Variants in RBM23 observed in about 807,000 individuals in gnomAD.
The protein encoded by RBM23 is RNA binding motif protein 23, also known as probable RNA-binding protein 23.
RBM23 carries 53 observed loss-of-function variants against 56.2 expected under a neutral mutation model. That is an observed-to-expected ratio of 0.94 (90% confidence interval 0.76 to 1.19). The LOEUF is 1.19. RBM23 is among the 50% of genes most tolerant of loss of function. The probability of loss-of-function intolerance (pLI) is 0.00; values close to 1 mark genes in which losing one functional copy is unlikely to be tolerated. For synonymous variants in RBM23, 197 were observed against 198.5 expected, an observed-to-expected ratio of 0.99 and a Z score of 0.06; for missense variants, 642 against 590.3, an observed-to-expected ratio of 1.09 and a Z score of -0.91.
chr14:22,911,015 A>G (rs79021319), intron 2 of RBM23, among the ~76,000 whole-genome samples: 2 of 150,062 alleles, frequency 1.3e-5, no homozygotes, highest in Non-Finnish European at 3.0e-5. Flanking sequence ...GTCTCAAAAG[A>G]AAAAAAAAAG....
chr14:22,907,847 GC>G (rs2041831491), intron 4 of RBM23, among the ~76,000 whole-genome samples: 1 of 152,198 alleles, frequency 6.6e-6, no homozygotes, highest in African/African-American at 2.4e-5. Flanking sequence ...CCCTCTGCAG[GC>G]CTAGGCTCAT....
chr14:22,898,907 CTG>C lies in RBM23; in HGVS notation c.*2821_*2822del, dbSNP rs1207469639. The C allele has an allele frequency of 6.6e-6, 1 of 152,166 alleles. No homozygotes were observed. Among genetic ancestry groups the C allele is most frequent in the African/African-American group, 2.4e-5 (1 of 41,428 alleles). 9.4% of individuals were successfully genotyped at this position (152,166 alleles called of 1,614,324 possible). A position where few individuals can be genotyped will look rare whatever the true frequency, so the allele number is the denominator to read the frequency against. ...GATACATTAGAAGCCAAATCAATAA[CTG>C]TAGGGGTGCTGGGTCATAGCCAGCA... On this transcript the variant is annotated 3_prime_UTR_variant, in exon 14 of 14. Coordinates refer to ENST00000359890, the MANE Select transcript of RBM23 (RefSeq NM_001077351.2).
chr14:22,908,331 A>C lies in RBM23; in HGVS notation c.227+2T>G, dbSNP rs756099715. The C allele has an allele frequency of 3.9e-6, 6 of 1,549,592 alleles. No homozygotes were observed. The highest frequency in any genetic ancestry group is 4.4e-6 in the Non-Finnish European group (5 of 1,146,830). ...CACTGTGCCTGGCCCAGAATTACTGACCTGCGCTTTCTATCCCTGCTTTTA... is the reference window on the plus strand; with the variant it reads ...CACTGTGCCTGGCCCAGAATTACTGCCCTGCGCTTTCTATCCCTGCTTTTA... On this transcript the variant is annotated splice_donor_variant, in intron 4 of 13. Transcript: ENST00000359890. LOFTEE classifies it high-confidence loss of function.
At position 22,900,883 on chromosome 14, in the gene RBM23, A is replaced by C. The variant is rs1454169552; in HGVS notation, c.*847T>G. 6.6e-6 allele frequency: 1 copy of C among 152,144 alleles called. No homozygotes were observed. Among genetic ancestry groups the C allele is most frequent in the Non-Finnish European group, 1.5e-5 (1 of 68,032 alleles). 9.4% of individuals were successfully genotyped at this position (152,144 alleles called of 1,614,324 possible). On this transcript the variant is annotated 3_prime_UTR_variant, in exon 14 of 14. Coordinates refer to ENST00000359890, the MANE Select transcript of RBM23 (RefSeq NM_001077351.2). ...GCCCAGGTAAGGGATGGGAGTAGCT[A>C]TAATTGCCAGGGTTGAGGCCACAGT...
chr14:22,909,242 C>A (rs935495700), intron 3 of RBM23, among the ~76,000 whole-genome samples: 2 of 152,146 alleles, frequency 1.3e-5, no homozygotes, highest in Non-Finnish European at 2.9e-5. Context: ...CACGCCCAGC[C>A]CCTCTTGGTA....
intron 1 of RBM23, 95 bp from the exon 2 acceptor site, chr14:22,911,498 C>G: frequency 1.0e-6 from 1 of 960,614 alleles, no homozygotes; most frequent in Non-Finnish European, 1.6e-6. Context: ...AAAGAGACTT[C>G]AGGATATACA....
chr14:22,914,618 T>C (rs1378737291), intron 1 of RBM23, among the ~76,000 whole-genome samples: 1 of 151,798 alleles, frequency 6.6e-6, no homozygotes, highest in Non-Finnish European at 1.5e-5. Flanking sequence ...ACCTCAATCA[T>C]GCCGTTAAAA....
chr14:22,919,067 C>T lies in RBM23; in HGVS notation c.-79G>A, dbSNP rs1003416626. On this transcript the variant is annotated 5_prime_UTR_variant, in exon 1 of 14. Transcript: ENST00000359890. ...TTTGAGTATGTTGTGGGGAGTGGAG[C>T]TCGGATAGTTCCTAGAGTCTAGGCA... 1 of 152,064 alleles carries T rather than the reference C, an allele frequency of 6.6e-6. No individual in the cohort carries two copies. The highest frequency in any genetic ancestry group is 1.5e-5 in the Non-Finnish European group (1 of 68,016). 9.4% of individuals were successfully genotyped at this position (152,064 alleles called of 1,614,324 possible).
intron 4 of RBM23, 129 bp downstream of exon 4, chr14:22,908,204 A>C: frequency 2.0e-6 from 2 of 979,772 alleles, no homozygotes; most frequent in Non-Finnish European, 2.9e-6. Flanking sequence ...AATTTTTTGT[A>C]GAGACAGGAT....
Position 22,893,991 on chromosome 14 carries a change from C to T in RBM23, c.*7739G>A, listed in dbSNP as rs190999656. On this transcript the variant is annotated 3_prime_UTR_variant, in exon 14 of 14. Transcript: ENST00000359890. ...GTCTGTGGATGAAGTCACTCTTAAC[C>T]TGTCTGGTTTGCTGAACTCAGCTAT... 5 of 152,292 alleles carry T rather than the reference C, an allele frequency of 3.3e-5. No homozygotes were observed. Among genetic ancestry groups the T allele is most frequent in the African/African-American group, 1.2e-4 (5 of 41,548 alleles). The allele number at this position is 152,292 out of a possible 1,614,324, so 9.4% of individuals were successfully genotyped here.
At position 22,904,136 on chromosome 14, in the gene RBM23, T is replaced by A. The variant is rs746193859; in HGVS notation, c.930+125A>T. ...AAGGGGTAGAAGGCTAGTCCAAGCT[T>A]CAGGCACCAGGGTTTATGGGTCATT... is the stretch of plus-strand genomic sequence containing the variant. On this transcript the variant is annotated intron_variant, in intron 10 of 13. Coordinates refer to ENST00000359890, the MANE Select transcript of RBM23 (RefSeq NM_001077351.2). 4.5e-6 allele frequency: 7 copies of A among 1,569,706 alleles called. No individual in the cohort carries two copies. The East Asian group carries it at 1.7e-4, about 37-fold the overall frequency.
intron 12 of RBM23, 39 bp downstream of exon 12, chr14:22,901,941 C>G: frequency 6.2e-7 from 1 of 1,611,952 alleles, no homozygotes; most frequent in Non-Finnish European, 8.5e-7. Flanking sequence ...TCTTTCCAGA[C>G]CCCCAAACCT....
Position 22,898,355 on chromosome 14 carries a change from G to A in RBM23, c.*3375C>T, listed in dbSNP as rs1296558888. On this transcript the variant is annotated 3_prime_UTR_variant, in exon 14 of 14. Transcript: ENST00000359890. ...CTTTTCTAGAACTGAAGACTGGTAG[G>A]GAAATTCTAACTATGCTGGCAAAGG... The A allele has an allele frequency of 6.6e-6, 1 of 152,150 alleles. No homozygotes were observed. The highest frequency in any genetic ancestry group is 1.5e-5 in the Non-Finnish European group (1 of 68,036). The allele number at this position is 152,150 out of a possible 1,614,324, so 9.4% of individuals were successfully genotyped here.
At chr14:22,915,744 C>T (rs1242978252) in intron 1 of RBM23, among the ~76,000 whole-genome samples, 2 of 152,214 alleles carry the variant, frequency 1.3e-5, no homozygotes, top group Non-Finnish European at 2.9e-5. Context: ...AATCCGCCTG[C>T]CTCGGCCTCC....
intron 4 of RBM23, among the ~76,000 whole-genome samples, chr14:22,906,868 G>A (rs923479866): frequency 8.6e-5 from 13 of 150,766 alleles, no homozygotes; most frequent in African/African-American, 2.7e-4. Context: ...GAGAAACTCC[G>A]TCTCTACTAA....
At chr14:22,904,011 C>T in intron 10 of RBM23, 1 of 1,426,620 alleles carries the variant, frequency 7.0e-7, no homozygotes, top group Non-Finnish European at 9.2e-7. Flanking sequence ...AGCCAAGTTG[C>T]AGCACCAGGG....
At chr14:22,917,794 T>C (rs1453705145) in intron 1 of RBM23, 1 of 152,236 alleles carries the variant, frequency 6.6e-6, no homozygotes, top group Non-Finnish European at 1.5e-5. Context: ...GAGTATGTTT[T>C]CTTCCATCCT....
At position 22,893,943 on chromosome 14, in the gene RBM23, C is replaced by G. The variant is rs2040205706; in HGVS notation, c.*7787G>C. The G allele has an allele frequency of 1.3e-5, 2 of 152,156 alleles. No homozygotes were observed. Among genetic ancestry groups the G allele is most frequent in the Admixed American group, 6.5e-5 (1 of 15,276 alleles). 9.4% of individuals were successfully genotyped at this position (152,156 alleles called of 1,614,324 possible). ...GCCCTTGAATGCTTTTCAATTAGTG[C>G]TCAGGATGTTTCCTGGATGGGGGTC... On this transcript the variant is annotated 3_prime_UTR_variant, in exon 14 of 14. Coordinates refer to ENST00000359890, the MANE Select transcript of RBM23 (RefSeq NM_001077351.2).
At chr14:22,905,788 A>C in intron 5 of RBM23, 129 bp from the exon 6 acceptor site, 2 of 762,690 alleles carry the variant, frequency 2.6e-6, no homozygotes, top group Non-Finnish European at 4.3e-6. Flanking sequence ...TTCCGCTGTC[A>C]CCCAGGCTGG....
Sources: allele counts gnomAD v4.1 joint callset (sites outside exome capture counted in the v4.1 genomes callset), GRCh38; gene constraint gnomAD v4.1.1; transcripts MANE v1.5; gene names NCBI Gene and HGNC (gene_info 2026-07-23, HGNC 2026-07-21).